NRG1: variants seen among roughly 807,000 people sequenced by gnomAD.
The protein encoded by NRG1 is neuregulin 1, also known as pro-neuregulin-1, membrane-bound isoform.
NRG1 carries 18 observed loss-of-function variants against 63.8 expected under a neutral mutation model. That is an observed-to-expected ratio of 0.28 (90% CI 0.19 to 0.42). The LOEUF (loss-of-function observed/expected upper bound fraction) is 0.42, where lower values mean the gene tolerates loss of function less well. Among genes scored for constraint, NRG1 ranks in the 10% least tolerant of loss-of-function variants. The pLI is 1.00. For missense variants in NRG1, 762 were observed against 814.7 expected, an observed-to-expected ratio of 0.94 and a Z score of 0.79; for synonymous variants, 302 against 301.3, an observed-to-expected ratio of 1.00 and a Z score of -0.02.
intron 1 of NRG1, among the ~76,000 whole-genome samples, chr8:31,932,274 T>C (rs1461467884): frequency 6.6e-6 from 1 of 152,230 alleles, no homozygotes; most frequent in Non-Finnish European, 1.5e-5. Context: ...TTTGGACTCT[T>C]GCATTACCTT....
At chr8:32,323,910 G>C (rs182570592) in intron 1 of NRG1, among the ~76,000 whole-genome samples, 44 of 152,274 alleles carry the variant, frequency 2.9e-4, no homozygotes, top group African/African-American at 9.4e-4. Flanking sequence ...TGGAATAATA[G>C]TACCATAGTT....
chr8:32,394,979 G>T (rs111631497), intron 1 of NRG1, among the ~76,000 whole-genome samples: 48 of 152,230 alleles, frequency 3.2e-4, no homozygotes, highest in Middle Eastern at 3.4e-3. Context: ...TGAGAAGAAT[G>T]GCTATAAGGA....
intron 1 of NRG1, among the ~76,000 whole-genome samples, chr8:32,296,202 T>C (rs1373466136): frequency 6.6e-6 from 1 of 152,092 alleles, no homozygotes; most frequent in African/African-American, 2.4e-5. Context: ...TTGAACCCCA[T>C]ATCTATCTAT....
At chr8:32,012,729 G>A (rs1433912832) in intron 1 of NRG1, among the ~76,000 whole-genome samples, 1 of 152,080 alleles carries the variant, frequency 6.6e-6, no homozygotes, top group East Asian at 1.9e-4. Context: ...GTTGTTAACA[G>A]GATTAAATGA....
At chr8:32,298,092 G>A (rs1197294476) in intron 1 of NRG1, among the ~76,000 whole-genome samples, 1 of 152,224 alleles carries the variant, frequency 6.6e-6, no homozygotes, top group Non-Finnish European at 1.5e-5. Flanking sequence ...ATCTTAAAGA[G>A]CAAAAGAAAC....
chr8:32,221,124 A>G (rs995223280), intron 1 of NRG1: 1 of 150,732 alleles, frequency 6.6e-6, no homozygotes, highest in South Asian at 2.1e-4. Flanking sequence ...AGCTACTTTA[A>G]AAAATAAAGG....
intron 1 of NRG1, among the ~76,000 whole-genome samples, chr8:32,328,243 G>T (rs10095715): frequency 6.6e-6 from 1 of 152,132 alleles, no homozygotes; most frequent in African/African-American, 2.4e-5. Context: ...TGTGGTTAAT[G>T]TGTCACTCAC....
At chr8:31,846,562 T>G (rs1170198460) in intron 1 of NRG1, among the ~76,000 whole-genome samples, 1 of 152,214 alleles carries the variant, frequency 6.6e-6, no homozygotes, top group Non-Finnish European at 1.5e-5. Flanking sequence ...TTCAAATAAC[T>G]TGGATGCCAG....
In NRG1 at chr8:31,712,357, C is replaced by T. The variant is rs890328358; in HGVS notation, c.37+72926C>T. The stretch of plus-strand genomic sequence containing the variant: ...CTCAGCAGCTCACTGCAACCTCTGC[C>T]TCCCAGGTTCAAGCGATTCTCCTGC... On this transcript the variant is annotated intron_variant, in intron 1 of 10. Transcript: ENST00000519301. Among the ~76,000 whole-genome samples, 3 of 147,464 alleles carry T rather than the reference C, an allele frequency of 2.0e-5. No homozygotes were observed. In the South Asian group the frequency reaches 6.5e-4, roughly 32 times the overall value.
intron 1 of NRG1, among the ~76,000 whole-genome samples, chr8:32,391,308 AT>A (rs1291076782): frequency 5.9e-5 from 9 of 151,610 alleles, no homozygotes; most frequent in Non-Finnish European, 7.4e-5. Context: ...GGTTTTTTAA[AT>A]TTTTCATAGA....
intron 1 of NRG1, among the ~76,000 whole-genome samples, chr8:32,300,918 A>AT (rs1227665247): frequency 6.6e-6 from 1 of 152,228 alleles, no homozygotes; most frequent in South Asian, 2.1e-4. Context: ...GAAAATGAAC[A>AT]TTTTCTGTAA....
intron 1 of NRG1, among the ~76,000 whole-genome samples, chr8:32,092,186 C>T (rs1041002286): frequency 6.6e-6 from 1 of 151,918 alleles, no homozygotes; most frequent in Admixed American, 6.6e-5. Context: ...TGGCAGGGTG[C>T]AGTGGCTCGT....
intron 1 of NRG1, among the ~76,000 whole-genome samples, chr8:32,290,652 C>T (rs1018565557): frequency 3.3e-5 from 5 of 152,256 alleles, no homozygotes; most frequent in Middle Eastern, 3.4e-3. Flanking sequence ...TTCACGATAT[C>T]GAAGCTACAC....
At chr8:32,680,390 T>C (rs10099273) in intron 5 of NRG1, among the ~76,000 whole-genome samples, 13,367 of 152,220 alleles carry the variant, frequency 0.088, 625 homozygotes, top group African/African-American at 0.096. Context: ...AGGCAAGTGC[T>C]GAGTGGATCA....
At chr8:31,845,777 A>G (rs1826633841) in intron 1 of NRG1, among the ~76,000 whole-genome samples, 2 of 152,216 alleles carry the variant, frequency 1.3e-5, no homozygotes. Context: ...CATGAAGCAG[A>G]AAAGATAAAA....
At chr8:32,465,114 G>T (rs1391825609) in intron 1 of NRG1, among the ~76,000 whole-genome samples, 2 of 152,170 alleles carry the variant, frequency 1.3e-5, no homozygotes, top group African/African-American at 2.4e-5. Context: ...GGCGGAGGTT[G>T]CAGTCTTTAG....
intron 1 of NRG1, among the ~76,000 whole-genome samples, chr8:31,743,907 C>T (rs892992618): frequency 1.3e-5 from 2 of 151,904 alleles, no homozygotes; most frequent in Admixed American, 6.6e-5. Flanking sequence ...GAAAAAAAAG[C>T]TTTGTTTTGA....
At chr8:32,481,066 A>T (rs1470771258) in intron 1 of NRG1, among the ~76,000 whole-genome samples, 1 of 152,224 alleles carries the variant, frequency 6.6e-6, no homozygotes, top group African/African-American at 2.4e-5. Context: ...TAAATAGGCC[A>T]GGCGCAGTGG....
At chr8:32,316,987 G>C (rs1857475665) in intron 1 of NRG1, among the ~76,000 whole-genome samples, 1 of 152,164 alleles carries the variant, frequency 6.6e-6, no homozygotes, top group African/African-American at 2.4e-5. Context: ...AGAGTGGTAA[G>C]GTTTGTGAAA....
Sources: allele counts gnomAD v4.1 joint callset (sites outside exome capture counted in the v4.1 genomes callset), GRCh38; gene constraint gnomAD v4.1.1; transcripts MANE v1.5; gene names NCBI Gene and HGNC (gene_info 2026-07-23, HGNC 2026-07-21).